The following SLAIN1 variants were observed in gnomAD, a reference collection of about 807,000 sequenced individuals.
The protein encoded by SLAIN1 is SLAIN motif-containing protein 1.
SLAIN1 carries 17 observed loss-of-function variants against 55.4 expected under a neutral mutation model. The observed-to-expected ratio is 0.31, with a 90% CI of 0.21 to 0.46. The LOEUF is 0.46. Among genes scored for constraint, SLAIN1 ranks in the 20% least tolerant of loss-of-function variants. SLAIN1 has a pLI of 1.00. For synonymous variants in SLAIN1, 348 were observed against 337.4 expected, an observed-to-expected ratio of 1.03 and a Z score of -0.35; for missense variants, 682 against 785.1, an observed-to-expected ratio of 0.87 and a Z score of 1.57.
rs1174528303 is a variant in SLAIN1, at chr13:77,698,512, C to G, written c.599C>G (p.Ala200Gly). The G allele has an allele frequency of 2.8e-6, 4 of 1,450,082 alleles. No homozygotes were observed. The highest frequency in any genetic ancestry group is 2.6e-5 in the Admixed American group (1 of 38,190). The allele number at this position is 1,450,082 out of a possible 1,614,324, so 89.8% of individuals were successfully genotyped here. A position where few individuals can be genotyped will look rare whatever the true frequency, so the allele number is the denominator to read the frequency against. ...VELLDLESVA[A>G]WRDEDDYTWL... is the part of the protein sequence containing the mutation. ...TTGCTGGATCTGGAGAGCGTAGCCG[C>G]CTGGCGGGACGAGGACGACTACACC... Residue 200 changes from alanine to glycine, a missense_variant, in exon 1 of 7, where the codon GCC (alanine) becomes GGC (glycine). This residue lies in a region of SLAIN1 where 401 missense variants were observed against 417.3 expected (regional missense o/e 0.96). Coordinates refer to ENST00000418532, the MANE Select transcript of SLAIN1 (RefSeq NM_001242868.2). The surrounding 1 kb of genome is among the most constrained non-coding windows in gnomAD (Gnocchi z 4.1).
At chr13:77,700,846 C>T (rs1268749413) in intron 1 of SLAIN1, among the ~76,000 whole-genome samples, 1 of 152,016 alleles carries the variant, frequency 6.6e-6, no homozygotes, top group Non-Finnish European at 1.5e-5. Flanking sequence ...TTTACATGCT[C>T]ATTGTAAAAA....
chr13:77,726,684 T>TG (rs564648558), intron 2 of SLAIN1, among the ~76,000 whole-genome samples: 111 of 152,320 alleles, frequency 7.3e-4, no homozygotes, highest in Middle Eastern at 6.8e-3. Flanking sequence ...CTCCCTGTGC[T>TG]GGGATTATAG....
intron 2 of SLAIN1, among the ~76,000 whole-genome samples, chr13:77,740,953 G>A (rs1253697480): frequency 6.6e-6 from 1 of 151,974 alleles, no homozygotes; most frequent in Non-Finnish European, 1.5e-5. Flanking sequence ...TTTCTGAAAA[G>A]CTTCAATGCT....
chr13:77,761,929 G>T (rs1190016237), intron 6 of SLAIN1, among the ~76,000 whole-genome samples: 3 of 152,164 alleles, frequency 2.0e-5, no homozygotes, highest in South Asian at 4.1e-4. Flanking sequence ...ATTAGGATAT[G>T]AAGGAGAAGG....
At chr13:77,735,029 TAAAA>T (rs2154410115) in intron 2 of SLAIN1, among the ~76,000 whole-genome samples, 1 of 151,784 alleles carries the variant, frequency 6.6e-6, no homozygotes, top group East Asian at 1.9e-4. Flanking sequence ...CAAAATAAAA[TAAAA>T]ATAAATAAAT....
At chr13:77,724,696 G>A (rs1009470337) in intron 2 of SLAIN1, among the ~76,000 whole-genome samples, 18 of 152,144 alleles carry the variant, frequency 1.2e-4, no homozygotes, top group Middle Eastern at 3.4e-3. Context: ...GGAATAATGC[G>A]AGCTTTCCAT....
intron 1 of SLAIN1, among the ~76,000 whole-genome samples, chr13:77,719,042 G>C (rs1049027037): frequency 6.6e-6 from 1 of 151,982 alleles, no homozygotes; most frequent in Non-Finnish European, 1.5e-5. Flanking sequence ...ATTATGTAAG[G>C]GTTCAAAGAA....
chr13:77,703,891 A>T (rs369498140), intron 1 of SLAIN1, among the ~76,000 whole-genome samples: 1 of 134,358 alleles, frequency 7.4e-6, no homozygotes, highest in East Asian at 2.1e-4. Context: ...AAAAAAAATT[A>T]TATATATATA....
chr13:77,763,092 G>T, intron 6 of SLAIN1, 53 bp from the exon 7 acceptor site: 2 of 1,461,230 alleles, frequency 1.4e-6, no homozygotes, highest in South Asian at 2.3e-5. Context: ...TGAGTGATGT[G>T]ACTCATAGGA....
At chr13:77,734,671 A>G (rs906331102) in intron 2 of SLAIN1, among the ~76,000 whole-genome samples, 2 of 152,212 alleles carry the variant, frequency 1.3e-5, no homozygotes, top group African/African-American at 4.8e-5. Flanking sequence ...AGTGAAAAGT[A>G]GAAAACTCCT....
chr13:77,726,503 T>C (rs1055380725), intron 2 of SLAIN1, among the ~76,000 whole-genome samples: 1 of 152,092 alleles, frequency 6.6e-6, no homozygotes, highest in African/African-American at 2.4e-5. Flanking sequence ...CACGGCTCAC[T>C]GCAGCCTTGA....
chr13:77,709,569 T>C (rs1279459740), intron 1 of SLAIN1, among the ~76,000 whole-genome samples: 1 of 152,178 alleles, frequency 6.6e-6, no homozygotes, highest in Non-Finnish European at 1.5e-5. Context: ...GTAGAAACCC[T>C]ACAAGCCAGA....
rs149077560 is a variant in SLAIN1 at position 77,702,550 on chromosome 13, A to C, written c.626+4011A>C. 5.9e-3 allele frequency among the ~76,000 whole-genome samples: 893 copies of C among 152,260 alleles called. 12 individuals are homozygous for C. Among genetic ancestry groups the C allele is most frequent in the African/African-American group, 0.019 (787 of 41,546 alleles). On this transcript the variant is annotated intron_variant, in intron 1 of 6. Coordinates refer to ENST00000418532, the MANE Select transcript of SLAIN1 (RefSeq NM_001242868.2). The stretch of plus-strand genomic sequence containing the variant: ...AAGTGGCAATGGGAGCCATTAGCTA[A>C]CTGCATACTAGACCTTCCTATGACC...
intron 2 of SLAIN1, chr13:77,743,147 C>G (rs745971730): frequency 3.5e-5 from 45 of 1,301,916 alleles, no homozygotes; most frequent in Non-Finnish European, 4.6e-5. Flanking sequence ...TAAAGCAATA[C>G]TAACACCTGA....
intron 2 of SLAIN1, chr13:77,743,123 T>C: frequency 7.7e-7 from 1 of 1,303,176 alleles, no homozygotes; most frequent in Middle Eastern, 2.1e-4. Flanking sequence ...TCCCAGCTTC[T>C]CTAAAACCTC....
chr13:77,738,886 G>A (rs1280962319), intron 2 of SLAIN1, among the ~76,000 whole-genome samples: 2 of 152,066 alleles, frequency 1.3e-5, no homozygotes, highest in Non-Finnish European at 2.9e-5. Context: ...CTCTTTCTTG[G>A]ATTGCAGGAA....
intron 4 of SLAIN1, among the ~76,000 whole-genome samples, chr13:77,752,288 C>CTTTTTTTTTTTTTTTT (rs79381085): frequency 1.1e-5 from 1 of 94,208 alleles, no homozygotes; most frequent in African/African-American, 3.8e-5. Flanking sequence ...TTCTAGGGTT[C>CTTTTTTTTTTTTTTTT]TTTTTTTTTT....
intron 2 of SLAIN1, among the ~76,000 whole-genome samples, chr13:77,734,708 C>G (rs184935553): frequency 6.6e-6 from 1 of 152,272 alleles, no homozygotes; most frequent in African/African-American, 2.4e-5. Context: ...TACCTAGCTT[C>G]TAGAACATTT....
chr13:77,701,045 A>G (rs1185708076), intron 1 of SLAIN1, among the ~76,000 whole-genome samples: 1 of 152,184 alleles, frequency 6.6e-6, no homozygotes, highest in East Asian at 1.9e-4. Context: ...CATTGAACAT[A>G]CATTGGACAT....
Sources: allele counts gnomAD v4.1 joint callset (sites outside exome capture counted in the v4.1 genomes callset), GRCh38; gene constraint gnomAD v4.1.1; regional missense constraint gnomAD v4.1.1; non-coding constraint Gnocchi (gnomAD v3.1); transcripts MANE v1.5; gene names NCBI Gene and HGNC (gene_info 2026-07-23, HGNC 2026-07-21).